Variants in DHRS7C observed in about 807,000 individuals in gnomAD.
DHRS7C encodes dehydrogenase/reductase SDR family member 7C.
Under a neutral mutation model 29.6 loss-of-function variants are expected in DHRS7C, and 28 were observed. That is an observed-to-expected ratio of 0.95 (90% CI 0.70 to 1.30). The LOEUF (loss-of-function observed/expected upper bound fraction) is 1.30. Ranked by LOEUF, DHRS7C falls within the 50% of genes most tolerant of loss-of-function variation. DHRS7C has a pLI of 0.00. For missense variants in DHRS7C, 403 were observed against 393.3 expected, an observed-to-expected ratio of 1.02 and a Z score of -0.21; for synonymous variants, 158 against 160.2, an observed-to-expected ratio of 0.99 and a Z score of 0.10.
At chr17:9,781,704 C>G in intron 1 of DHRS7C, 110 bp from the exon 2 acceptor site, 1 of 1,014,976 alleles carries the variant, frequency 9.9e-7, no homozygotes, top group Non-Finnish European at 1.5e-6. Context: ...AGTCTTAGCA[C>G]CACGAGGTCC....
In DHRS7C at chr17:9,787,674, G is replaced by C. The variant is rs572014682; in HGVS notation, c.154+3457C>G. Reference sequence around the variant, plus strand: ...CAGATGCCATCGATGATGAGCTGTTGCCTGATTTCAGAGATAATAAATGAC... The same window carrying C: ...CAGATGCCATCGATGATGAGCTGTTCCCTGATTTCAGAGATAATAAATGAC... On this transcript the variant is annotated intron_variant, in intron 1 of 5. Transcript: ENST00000571134. Among the ~76,000 whole-genome samples, 14 of 152,188 alleles carry C rather than the reference G, an allele frequency of 9.2e-5. No individual in the cohort carries two copies. The South Asian group carries it at 2.7e-3, about 29-fold the overall frequency.
chr17:9,790,388 G>A (rs2066448147), intron 1 of DHRS7C, among the ~76,000 whole-genome samples: 1 of 152,198 alleles, frequency 6.6e-6, no homozygotes, highest in African/African-American at 2.4e-5. Context: ...GACAATTACG[G>A]CCCCTCATGT....
intron 4 of DHRS7C, among the ~76,000 whole-genome samples, chr17:9,773,719 CTT>C (rs757682123): frequency 2.2e-4 from 19 of 86,006 alleles, no homozygotes; most frequent in East Asian, 4.3e-4. Flanking sequence ...GCAATGAGGC[CTT>C]TTTTTTTTTT....
chr17:9,777,597 A>G (rs1181261104), intron 3 of DHRS7C, among the ~76,000 whole-genome samples: 1 of 150,526 alleles, frequency 6.6e-6, no homozygotes, highest in Non-Finnish European at 1.5e-5. Context: ...TTTTGTTTAG[A>G]TGCAGGGGGA....
chr17:9,781,470 A>G lies in DHRS7C; in HGVS notation c.267+12T>C, dbSNP rs973398942. ...CCAGGAGTTACCCACGCCTACTGCT[A>G]GAAGACCTTACCTTGCTGGGGTCAG... On this transcript the variant is annotated intron_variant, in intron 2 of 5. Coordinates refer to ENST00000571134, the MANE Select transcript of DHRS7C (RefSeq NM_001105571.3). 1.2e-6 allele frequency: 2 copies of G among 1,613,462 alleles called. No homozygotes were observed. The highest frequency in any genetic ancestry group is 1.7e-6 in the Non-Finnish European group (2 of 1,179,476).
intron 4 of DHRS7C, among the ~76,000 whole-genome samples, chr17:9,776,284 T>G (rs2066362144): frequency 6.6e-6 from 1 of 151,996 alleles, no homozygotes; most frequent in Non-Finnish European, 1.5e-5. Flanking sequence ...AAAGACTGTG[T>G]GGGGACACAG....
chr17:9,787,448 T>C (rs2152018833), intron 1 of DHRS7C, among the ~76,000 whole-genome samples: 1 of 152,330 alleles, frequency 6.6e-6, no homozygotes, highest in East Asian at 1.9e-4. Flanking sequence ...AGTGCCTCGG[T>C]GCTACTGCAG....
intron 1 of DHRS7C, among the ~76,000 whole-genome samples, chr17:9,787,948 C>T (rs900740642): frequency 4.6e-5 from 7 of 151,792 alleles, no homozygotes; most frequent in Admixed American, 6.5e-5. Flanking sequence ...TGAGTTCAAG[C>T]GATTCACCTA....
intron 1 of DHRS7C, among the ~76,000 whole-genome samples, chr17:9,781,875 G>C (rs973339701): frequency 6.6e-6 from 1 of 152,220 alleles, no homozygotes; most frequent in Non-Finnish European, 1.5e-5. Flanking sequence ...ACACTGAACA[G>C]AAGGATGAAC....
intron 3 of DHRS7C, among the ~76,000 whole-genome samples, chr17:9,779,526 G>A (rs976958569): frequency 1.3e-5 from 2 of 152,172 alleles, no homozygotes; most frequent in South Asian, 2.1e-4. Flanking sequence ...TTTCAGAGAC[G>A]TCGAATTGGA....
chr17:9,783,414 G>T (rs74608381), intron 1 of DHRS7C, among the ~76,000 whole-genome samples: 1 of 152,050 alleles, frequency 6.6e-6, no homozygotes, highest in East Asian at 1.9e-4. Flanking sequence ...GGATCCCAAC[G>T]GGTCTTGGGA....
At chr17:9,777,633 A>T (rs1005343389) in intron 3 of DHRS7C, among the ~76,000 whole-genome samples, 1 of 151,854 alleles carries the variant, frequency 6.6e-6, no homozygotes, top group African/African-American at 2.4e-5. Context: ...TCACATGGGC[A>T]TATTGCACTC....
Position 9,772,510 on chromosome 17 carries a change from G to A in DHRS7C, c.727+257C>T, listed in dbSNP as rs111976313. 7.1e-3 allele frequency among the ~76,000 whole-genome samples: 1,074 copies of A among 152,290 alleles called. 15 individuals are homozygous for A. The highest frequency in any genetic ancestry group is 0.024 in the African/African-American group (996 of 41,544). Reference sequence around the variant, plus strand: ...GCCCAGAGATAGGCAGTTGCTTGCCGAGGTGGCAGAGGAAGCTGAGTGGCT... The same window carrying A: ...GCCCAGAGATAGGCAGTTGCTTGCCAAGGTGGCAGAGGAAGCTGAGTGGCT... On this transcript the variant is annotated intron_variant, in intron 5 of 5. Coordinates refer to ENST00000571134, the MANE Select transcript of DHRS7C (RefSeq NM_001105571.3).
intron 5 of DHRS7C, 147 bp from the exon 6 acceptor site, chr17:9,771,843 C>T (rs1338196152): frequency 4.1e-6 from 3 of 737,378 alleles, no homozygotes; most frequent in African/African-American, 3.6e-5. Flanking sequence ...CACCCGCGGA[C>T]CGCGGCGACC....
In DHRS7C at chr17:9,775,923, C is replaced by T. The variant is rs1480614924; in HGVS notation, c.571+1270G>A. Among the ~76,000 whole-genome samples, 1 of 152,108 alleles carries T rather than the reference C, an allele frequency of 6.6e-6. No homozygotes were observed. The highest frequency in any genetic ancestry group is 1.5e-5 in the Non-Finnish European group (1 of 67,994). On this transcript the variant is annotated intron_variant, in intron 4 of 5. Transcript: ENST00000571134. The surrounding 1 kb of genome is among the most constrained non-coding windows in gnomAD (Gnocchi z 4.2). ...ATTGTAAGAAGAGGAAATTTGGGGC[C>T]GGGCATGGTGGCTCACGCCTGTAAT...
intron 4 of DHRS7C, among the ~76,000 whole-genome samples, chr17:9,773,688 C>A (rs1308358464): frequency 6.8e-6 from 1 of 147,940 alleles, no homozygotes; most frequent in Admixed American, 6.7e-5. Flanking sequence ...GACATCATGA[C>A]TAGCAAGCTT....
At chr17:9,773,070 A>G in intron 4 of DHRS7C, 148 bp from the exon 5 acceptor site, 2 of 983,368 alleles carry the variant, frequency 2.0e-6, no homozygotes, top group Non-Finnish European at 2.9e-6. Flanking sequence ...CACTTTACAA[A>G]TGAGGACAGA....
intron 3 of DHRS7C, among the ~76,000 whole-genome samples, chr17:9,779,308 C>G (rs1373673134): frequency 6.6e-6 from 1 of 152,152 alleles, no homozygotes; most frequent in African/African-American, 2.4e-5. Context: ...TAAAGGGAGA[C>G]AGCCTCCTGC....
At position 9,773,741 on chromosome 17, in the gene DHRS7C, T is replaced by TTTTTTTTTC. The variant is rs57969612; in HGVS notation, c.572-820_572-819insGAAAAAAAA. Among the ~76,000 whole-genome samples, 6 of 129,290 alleles carry TTTTTTTTTC rather than the reference T, an allele frequency of 4.6e-5. 1 individual carries two copies. Among genetic ancestry groups the TTTTTTTTTC allele is most frequent in the African/African-American group, 9.7e-5 (3 of 31,042 alleles). 84.8% of individuals were successfully genotyped at this position (129,290 alleles called of 152,430 possible). On this transcript the variant is annotated intron_variant, in intron 4 of 5. Coordinates refer to ENST00000571134, the MANE Select transcript of DHRS7C (RefSeq NM_001105571.3). ...GGCCTTTTTTTTTTTTTTTTTTTTT[T>TTTTTTTTTC]TGAGACGGCGTCTCACTCTGTTGCC...
Sources: gnomAD v4.1 joint callset for allele counts (sites outside exome capture counted in the v4.1 genomes callset) on GRCh38, gnomAD v4.1.1 for gene constraint, Gnocchi (gnomAD v3.1) non-coding constraint, MANE v1.5 for transcripts, NCBI Gene and HGNC (gene_info 2026-07-23, HGNC 2026-07-21) for gene names.